PCSK2: variants seen among roughly 807,000 people sequenced by gnomAD.
PCSK2 encodes the protein proprotein convertase subtilisin/kexin type 2.
PCSK2 carries 14 observed loss-of-function variants against 69.7 expected under a neutral mutation model. That is an observed-to-expected ratio of 0.20 (90% confidence interval 0.13 to 0.31). The LOEUF (loss-of-function observed/expected upper bound fraction) is 0.31. Among genes scored for constraint, PCSK2 ranks in the 10% least tolerant of loss-of-function variants. The pLI, the probability that PCSK2 is intolerant of heterozygous loss-of-function variation, is 1.00. For missense variants in PCSK2, 544 were observed against 842.5 expected (o/e 0.65, Z 4.39); for synonymous variants, 307 against 320.7 (o/e 0.96, Z 0.46).
intron 2 of PCSK2, among the ~76,000 whole-genome samples, chr20:17,354,155 A>T (rs750346970): frequency 1.3e-5 from 2 of 152,194 alleles, no homozygotes; most frequent in Non-Finnish European, 2.9e-5. Context: ...TTACAACAAA[A>T]TTTTTTTAAA....
intron 2 of PCSK2, among the ~76,000 whole-genome samples, chr20:17,327,947 C>T (rs1448210926): frequency 1.3e-5 from 2 of 152,140 alleles, no homozygotes; most frequent in Non-Finnish European, 2.9e-5. Context: ...TATACACGCA[C>T]GCGATGCCCA....
At chr20:17,227,521 G>A in intron 1 of PCSK2, 39 bp downstream of exon 1, 12 of 1,502,378 alleles carry the variant, frequency 8.0e-6, no homozygotes, top group South Asian at 1.1e-5. Context: ...GTTTCAAAAC[G>A]GGGGGACGGG....
chr20:17,411,356 A>G (rs919207466), intron 6 of PCSK2, among the ~76,000 whole-genome samples: 3 of 152,248 alleles, frequency 2.0e-5, no homozygotes, highest in Non-Finnish European at 4.4e-5. Flanking sequence ...GGTCTTAGCA[A>G]ACAGCAGACC....
At position 17,345,087 on chromosome 20, in the gene PCSK2, C is replaced by G. The variant is rs562943982; in HGVS notation, c.283-13240C>G. Among the ~76,000 whole-genome samples the G allele has an allele frequency of 4.4e-4, 67 of 152,264 alleles. 2 individuals are homozygous for G. Among genetic ancestry groups the G allele is most frequent in the African/African-American group, 1.5e-3 (61 of 41,552 alleles). On this transcript the variant is annotated intron_variant, in intron 2 of 11. Coordinates refer to ENST00000262545, the MANE Select transcript of PCSK2 (RefSeq NM_002594.5). ...TTTTCCAAATCTTTTCAAATAGAGA[C>G]ATAATCAGCCTGGATAATGAGTGCT...
At chr20:17,291,162 C>A (rs1988682008) in intron 2 of PCSK2, among the ~76,000 whole-genome samples, 1 of 151,882 alleles carries the variant, frequency 6.6e-6, no homozygotes, top group South Asian at 2.1e-4. Flanking sequence ...CTCCTTCCCT[C>A]ATTTGCTCAT....
chr20:17,478,999 T>C, intron 11 of PCSK2: 1 of 779,088 alleles, frequency 1.3e-6, no homozygotes, highest in African/African-American at 1.7e-5. Context: ...ACACTTGTCA[T>C]CTAGCACACT....
intron 2 of PCSK2, among the ~76,000 whole-genome samples, chr20:17,319,100 A>G (rs1041072444): frequency 1.2e-4 from 19 of 152,232 alleles, no homozygotes; most frequent in African/African-American, 4.6e-4. Context: ...TGTAAATTGT[A>G]ACTAATTTCT....
chr20:17,314,748 T>A (rs73897884), intron 2 of PCSK2, among the ~76,000 whole-genome samples: 4,894 of 152,338 alleles, frequency 0.032, 207 homozygotes, highest in African/African-American at 0.095. Flanking sequence ...ATCCTTTCTA[T>A]TTCTTTAGTG....
chr20:17,306,885 A>G (rs1355644056), intron 2 of PCSK2, among the ~76,000 whole-genome samples: 1 of 152,198 alleles, frequency 6.6e-6, no homozygotes, highest in Admixed American at 6.5e-5. Flanking sequence ...TTGAAACTAT[A>G]TTGGTATTTA....
chr20:17,364,859 G>C (rs565855525), intron 4 of PCSK2, among the ~76,000 whole-genome samples: 2 of 152,332 alleles, frequency 1.3e-5, no homozygotes, highest in South Asian at 2.1e-4. Flanking sequence ...GCACATCCAT[G>C]ATGGTGCACT....
chr20:17,345,643 G>A (rs1175868937), intron 2 of PCSK2, among the ~76,000 whole-genome samples: 3 of 152,196 alleles, frequency 2.0e-5, no homozygotes, highest in Non-Finnish European at 4.4e-5. Context: ...ACAACCTGGA[G>A]AATTTGAGGC....
At chr20:17,391,713 A>C (rs960755635) in intron 5 of PCSK2, among the ~76,000 whole-genome samples, 6 of 152,062 alleles carry the variant, frequency 3.9e-5, no homozygotes, top group African/African-American at 1.4e-4. Context: ...ATAAAAATTT[A>C]AACATTAGCT....
intron 2 of PCSK2, among the ~76,000 whole-genome samples, chr20:17,348,690 T>C (rs1407554932): frequency 6.6e-6 from 1 of 152,244 alleles, no homozygotes; most frequent in Admixed American, 6.5e-5. Flanking sequence ...GGGAAGGACC[T>C]GTTCCAGGCT....
chr20:17,427,846 T>G (rs553111388), intron 6 of PCSK2, among the ~76,000 whole-genome samples: 20 of 152,302 alleles, frequency 1.3e-4, no homozygotes, highest in South Asian at 6.2e-4. Context: ...TCCAATAGGC[T>G]AGCCCGGGCT....
At chr20:17,444,056 G>C (rs1281474740) in intron 8 of PCSK2, among the ~76,000 whole-genome samples, 2 of 152,186 alleles carry the variant, frequency 1.3e-5, no homozygotes, top group African/African-American at 4.8e-5. Context: ...TGGAAGTGAG[G>C]GTTCATTGTG....
At chr20:17,341,124 C>T (rs185201516) in intron 2 of PCSK2, among the ~76,000 whole-genome samples, 533 of 152,282 alleles carry the variant, frequency 3.5e-3, no homozygotes, top group Admixed American at 5.2e-3. Flanking sequence ...CCTGTAATCC[C>T]AGCAACTTGG....
intron 2 of PCSK2, among the ~76,000 whole-genome samples, chr20:17,298,994 T>A (rs755059737): frequency 2.6e-5 from 4 of 152,234 alleles, no homozygotes; most frequent in African/African-American, 4.8e-5. Flanking sequence ...ATAATGTATG[T>A]GTTACAAATA....
chr20:17,399,923 A>T (rs2031597204), intron 5 of PCSK2, among the ~76,000 whole-genome samples: 1 of 152,214 alleles, frequency 6.6e-6, no homozygotes, highest in African/African-American at 2.4e-5. Context: ...ATCAACAGAG[A>T]ACAAAGAAAC....
rs3076241 is a variant in PCSK2, at chr20:17,333,910, CATATATATATATATAT to C, written c.283-24406_283-24391del. Among the ~76,000 whole-genome samples, 27 of 86,416 alleles carry C rather than the reference CATATATATATATATAT, an allele frequency of 3.1e-4. 1 individual carries two copies. The East Asian group carries it at 3.9e-3, about 13-fold the overall frequency. 56.7% of individuals were successfully genotyped at this position (86,416 alleles called of 152,430 possible). A position where few individuals can be genotyped will look rare whatever the true frequency, so the allele number is the denominator to read the frequency against. ...TACATTTCTTCCTTCTAAGTCACTGCATATATATATATATATATATATATATGGCTTCAAATCTAGA... is the reference window on the plus strand; with the variant it reads ...TACATTTCTTCCTTCTAAGTCACTGCATATATATATGGCTTCAAATCTAGA... On this transcript the variant is annotated intron_variant, in intron 2 of 11. Coordinates refer to ENST00000262545, the MANE Select transcript of PCSK2 (RefSeq NM_002594.5).
Sources: allele counts gnomAD v4.1 joint callset (sites outside exome capture counted in the v4.1 genomes callset), GRCh38; gene constraint gnomAD v4.1.1; transcripts MANE v1.5; gene names NCBI Gene and HGNC (gene_info 2026-07-23, HGNC 2026-07-21).